APCDD1L: variants seen among roughly 807,000 people sequenced by gnomAD.
APCDD1L encodes the protein APC down-regulated 1 like.
Under a neutral mutation model 24.2 loss-of-function variants are expected in APCDD1L, and 21 were observed. The ratio of observed to expected loss-of-function variants is 0.87; its 90% CI spans 0.61 to 1.25. The LOEUF (loss-of-function observed/expected upper bound fraction) is 1.25. Among genes scored for constraint, APCDD1L ranks in the 50% most tolerant of loss-of-function variants. The probability of loss-of-function intolerance (pLI) is 0.00; values close to 1 mark genes in which losing one functional copy is unlikely to be tolerated. For missense variants in APCDD1L, 704 were observed against 711.7 expected (o/e 0.99, Z 0.12); for synonymous variants, 321 against 323.6 (o/e 0.99, Z 0.09).
intron 1 of APCDD1L, among the ~76,000 whole-genome samples, chr20:58,487,042 A>G (rs1471818436): frequency 2.6e-5 from 4 of 151,910 alleles, no homozygotes; most frequent in Non-Finnish European, 4.4e-5. Flanking sequence ...TTGTATTTTC[A>G]GTAGAGACGA....
chr20:58,481,064 TCCCA>T (rs1990016229), intron 1 of APCDD1L, among the ~76,000 whole-genome samples: 1 of 152,226 alleles, frequency 6.6e-6, no homozygotes, highest in Admixed American at 6.5e-5. Flanking sequence ...GATGCCAACA[TCCCA>T]CCTGGTGCTT....
intron 3 of APCDD1L, among the ~76,000 whole-genome samples, chr20:58,462,941 A>G (rs2123129786): frequency 6.6e-6 from 1 of 152,034 alleles, no homozygotes; most frequent in African/African-American, 2.4e-5. Flanking sequence ...CAGGAGATCA[A>G]GACCATCCTG....
intron 1 of APCDD1L, among the ~76,000 whole-genome samples, chr20:58,505,020 C>T (rs1990506916): frequency 6.6e-6 from 1 of 152,184 alleles, no homozygotes; most frequent in Admixed American, 6.5e-5. Context: ...CTTGAACCCC[C>T]AGCCTCAGAT....
intron 3 of APCDD1L, among the ~76,000 whole-genome samples, chr20:58,462,305 C>T (rs1246305137): frequency 6.6e-6 from 1 of 152,066 alleles, no homozygotes; most frequent in African/African-American, 2.4e-5. Flanking sequence ...GAGCTGAGAC[C>T]CAGAGGGCCG....
At chr20:58,473,209 T>C (rs1989845682) in intron 1 of APCDD1L, among the ~76,000 whole-genome samples, 1 of 152,170 alleles carries the variant, frequency 6.6e-6, no homozygotes, top group Non-Finnish European at 1.5e-5. Flanking sequence ...CTTGAGGAAA[T>C]GTTTTTCTGT....
chr20:58,502,434 ACCTCTGC>A, intron 1 of APCDD1L, among the ~76,000 whole-genome samples: 1 of 151,962 alleles, frequency 6.6e-6, no homozygotes, highest in East Asian at 1.9e-4. Context: ...TGTATGTCCT[ACCTCTGC>A]CCCATACCAC....
chr20:58,461,477 A>G lies in APCDD1L; in HGVS notation c.819T>C (p.Pro273=), dbSNP rs756933105. The part of the protein sequence containing the change: ...DVHHPPVLPP[P]LALPLHLGGW... The stretch of plus-strand genomic sequence containing the variant: ...CGCCCAGGTGCAGGGGCAGGGCCAG[A>G]GGGGGCGGCAGCACGGGCGGGTGGT... The change falls in exon 4 of 4, where the codon CCT becomes CCC. Residue 273 remains proline (P), a synonymous_variant. Coordinates refer to ENST00000371149, the MANE Select transcript of APCDD1L (RefSeq NM_153360.3). The surrounding 1 kb of genome is among the most constrained non-coding windows in gnomAD (Gnocchi z 6.0). 2.7e-6 allele frequency: 4 copies of G among 1,476,274 alleles called. No individual in the cohort carries two copies. In the African/African-American group the frequency reaches 4.2e-5, roughly 16 times the overall value. 91.4% of individuals were successfully genotyped at this position (1,476,274 alleles called of 1,614,324 possible).
intron 1 of APCDD1L, among the ~76,000 whole-genome samples, chr20:58,477,527 T>A (rs1321192995): frequency 1.3e-5 from 2 of 152,344 alleles, no homozygotes; most frequent in South Asian, 4.1e-4. Context: ...AATCATGCCA[T>A]TCCTGGTGAT....
Position 58,494,064 on chromosome 20 carries a change from A to T in APCDD1L, c.49+20595T>A, listed in dbSNP as rs949221364. ...GACAAAATCATAAGGAAGAGAAAACATATTTAGGATTCATTAGCTGGAAGC... is the reference window on the plus strand; with the variant it reads ...GACAAAATCATAAGGAAGAGAAAACTTATTTAGGATTCATTAGCTGGAAGC... On this transcript the variant is annotated intron_variant, in intron 1 of 3. Coordinates refer to ENST00000371149, the MANE Select transcript of APCDD1L (RefSeq NM_153360.3). The surrounding 1 kb of genome is among the most constrained non-coding windows in gnomAD (Gnocchi z 4.8). 2.6e-5 allele frequency among the ~76,000 whole-genome samples: 4 copies of T among 152,232 alleles called. No homozygotes were observed. Among genetic ancestry groups the T allele is most frequent in the Non-Finnish European group, 4.4e-5 (3 of 68,034 alleles).
intron 1 of APCDD1L, among the ~76,000 whole-genome samples, chr20:58,477,026 C>G (rs1989923295): frequency 6.6e-6 from 1 of 152,188 alleles, no homozygotes; most frequent in Non-Finnish European, 1.5e-5. Flanking sequence ...TGCTTTCTTA[C>G]TTCGGTTTAC....
rs149441204 is a variant in APCDD1L at position 58,510,268 on chromosome 20, T to C, written c.49+4391A>G. 5.0e-3 allele frequency among the ~76,000 whole-genome samples: 755 copies of C among 152,288 alleles called. 7 individuals are homozygous for C. Among genetic ancestry groups the C allele is most frequent in the African/African-American group, 0.017 (701 of 41,554 alleles). On this transcript the variant is annotated intron_variant, in intron 1 of 3. Transcript: ENST00000371149. Reference sequence around the variant, plus strand: ...GTCTTCCGCACCTCACACCAGTGTGTGGCACATACACAGGAGGGCACACAA... The same window carrying C: ...GTCTTCCGCACCTCACACCAGTGTGCGGCACATACACAGGAGGGCACACAA...
chr20:58,462,969 C>T (rs1989639520), intron 3 of APCDD1L, among the ~76,000 whole-genome samples: 1 of 149,776 alleles, frequency 6.7e-6, no homozygotes, highest in African/African-American at 2.5e-5. Flanking sequence ...TGGTGAAATG[C>T]CATCTCTACA....
rs935928852 is a variant in APCDD1L at position 58,497,505 on chromosome 20, T to G, written c.49+17154A>C. On this transcript the variant is annotated intron_variant, in intron 1 of 3. Coordinates refer to ENST00000371149, the MANE Select transcript of APCDD1L (RefSeq NM_153360.3). The surrounding 1 kb of genome is among the most constrained non-coding windows in gnomAD (Gnocchi z 4.3). The stretch of plus-strand genomic sequence containing the variant: ...GAGCTGGGTTGGTTCCTTCTGAGGC[T>G]GGGCCGGGATTGTTCCAGGCCTTTC... Among the ~76,000 whole-genome samples, 4 of 152,186 alleles carry G rather than the reference T, an allele frequency of 2.6e-5. No individual in the cohort carries two copies. Among genetic ancestry groups the G allele is most frequent in the Non-Finnish European group, 5.9e-5 (4 of 68,036 alleles).
At chr20:58,463,893 T>TTGG (rs1236336521) in intron 3 of APCDD1L, among the ~76,000 whole-genome samples, 4 of 56,340 alleles carry the variant, frequency 7.1e-5, no homozygotes, top group Non-Finnish European at 8.4e-5. Flanking sequence ...CAGTTTTTTT[T>TTGG]TGGGGGGGGG....
rs1448471796 is a variant in APCDD1L at position 58,515,334 on chromosome 20, G to A, written c.-627C>T. On this transcript the variant is annotated 5_prime_UTR_variant, in exon 1 of 4. Transcript: ENST00000371149. ...CCCGGTCGCCTAGAAGCCAGCCCCG[G>A]CCTCTGTCTGTAAATGAGGCCGTCA... is the stretch of plus-strand genomic sequence containing the variant. 3.3e-5 allele frequency: 10 copies of A among 305,336 alleles called. No homozygotes were observed. In the Admixed American group the frequency reaches 4.1e-4, roughly 12 times the overall value. 18.9% of individuals were successfully genotyped at this position (305,336 alleles called of 1,614,324 possible). A position where few individuals can be genotyped will look rare whatever the true frequency, so the allele number is the denominator to read the frequency against.
rs11699113 is a variant in APCDD1L, at chr20:58,515,050, C to T, written c.-343G>A. 16,929 of 240,868 alleles carry T rather than the reference C, an allele frequency of 0.07. 699 individuals are homozygous for T. The highest frequency in any genetic ancestry group is 0.081 in the African/African-American group (3,601 of 44,490). The allele number at this position is 240,868 out of a possible 1,614,324, so 14.9% of individuals were successfully genotyped here. On this transcript the variant is annotated 5_prime_UTR_variant, in exon 1 of 4. Coordinates refer to ENST00000371149, the MANE Select transcript of APCDD1L (RefSeq NM_153360.3). Reference sequence around the variant, plus strand: ...CCAGATGTCCGTCCCCTGGCCGTCGCCTTCCCCAAAGTCTTCGCAGTGGGC... The same window carrying T: ...CCAGATGTCCGTCCCCTGGCCGTCGTCTTCCCCAAAGTCTTCGCAGTGGGC...
Position 58,461,703 on chromosome 20 carries a change from C to A in APCDD1L, c.742-149G>T. The A allele has an allele frequency of 2.5e-6, 2 of 799,346 alleles. No individual in the cohort carries two copies. Among genetic ancestry groups the A allele is most frequent in the Non-Finnish European group, 3.4e-6 (2 of 583,608 alleles). 49.5% of individuals were successfully genotyped at this position (799,346 alleles called of 1,614,324 possible). A position where few individuals can be genotyped will look rare whatever the true frequency, so the allele number is the denominator to read the frequency against. On this transcript the variant is annotated intron_variant, in intron 3 of 3. Coordinates refer to ENST00000371149, the MANE Select transcript of APCDD1L (RefSeq NM_153360.3). The surrounding 1 kb of genome is among the most constrained non-coding windows in gnomAD (Gnocchi z 6.0). Reference sequence around the variant, plus strand: ...CCTCTCTCTCCTCACTCCCTGCCTTCAGTCAGGACGACCTCCTTGCTTCAG... The same window carrying A: ...CCTCTCTCTCCTCACTCCCTGCCTTAAGTCAGGACGACCTCCTTGCTTCAG...
At chr20:58,464,758 G>A (rs1463023056) in intron 3 of APCDD1L, among the ~76,000 whole-genome samples, 1 of 152,160 alleles carries the variant, frequency 6.6e-6, no homozygotes, top group Non-Finnish European at 1.5e-5. Flanking sequence ...CGTGGGCAAG[G>A]CGTGGGCCCC....
chr20:58,470,709 A>G lies in APCDD1L; in HGVS notation c.88T>C (p.Cys30Arg), dbSNP rs3946003. ...APAAGEAGGS[C>R]LRWEPHCQQP... ...TGGCAGTGGGGTTCCCAGCGCAGGC[A>G]GCTGCCCCCGGCCTCCCCAGCCGCC... Residue 30 changes from cysteine (C) to arginine (R), a missense_variant, in exon 2 of 4, where the codon TGC becomes CGC. Physicochemically the swap from Cys to Arg is radical, Grantham distance 180. Coordinates refer to ENST00000371149, the MANE Select transcript of APCDD1L (RefSeq NM_153360.3). 594,259 of 1,544,838 alleles carry G rather than the reference A, an allele frequency of 0.38. 117,732 individuals carry two copies. The highest frequency in any genetic ancestry group is 0.57 in the African/African-American group (42,040 of 73,286).
Sources: allele counts gnomAD v4.1 joint callset (sites outside exome capture counted in the v4.1 genomes callset), GRCh38; gene constraint gnomAD v4.1.1; non-coding constraint Gnocchi (gnomAD v3.1); transcripts MANE v1.5; gene names NCBI Gene and HGNC (gene_info 2026-07-23, HGNC 2026-07-21).